The following RP1 variants were observed in gnomAD, a reference collection of about 807,000 sequenced individuals.
RP1 encodes the protein RP1 axonemal microtubule associated.
A neutral mutation model predicts 14.8 loss-of-function variants in RP1; 16 were observed. The observed-to-expected ratio is 1.08, with a 90% CI of 0.73 to 1.65. The LOEUF is 1.65. RP1 is among the 40% of genes most tolerant of loss of function. RP1 has a pLI of 0.00. For missense variants in RP1, 2,631 were observed against 2,535.0 expected (o/e 1.04, Z -0.81); for synonymous variants, 876 against 883.6 (o/e 0.99, Z 0.15).
chr8:54,767,619 C>G (rs1271161719), intron 22 of RP1, among the ~76,000 whole-genome samples: 3 of 152,118 alleles, frequency 2.0e-5, no homozygotes, highest in Non-Finnish European at 4.4e-5. Flanking sequence ...CTTGGCCTCC[C>G]AAAGTGCTGG....
intron 19 of RP1, among the ~76,000 whole-genome samples, chr8:54,752,684 C>A (rs991300722): frequency 6.6e-6 from 1 of 152,156 alleles, no homozygotes; most frequent in Non-Finnish European, 1.5e-5. Context: ...CACGCTCATA[C>A]CCACACACTT....
chr8:54,720,280 T>A (rs1585634379), exon 16 of RP1: 1 of 1,535,340 alleles, frequency 6.5e-7, no homozygotes, highest in African/African-American at 1.4e-5. Context: ...GATGAGAATG[T>A]TTGCTTCTAT....
At position 54,742,469 on chromosome 8, in the gene RP1, T is replaced by C. The variant is rs547584391; in HGVS notation, c.2808+3440T>C. On this transcript the variant is annotated intron_variant, in intron 19 of 22. Transcript: ENST00000636932. ...TATTTCTTAGGACATGCCTATATAATGAAATGTTTTCTAATAGTTCAGGAA... is the reference window on the plus strand; with the variant it reads ...TATTTCTTAGGACATGCCTATATAACGAAATGTTTTCTAATAGTTCAGGAA... Among the ~76,000 whole-genome samples the C allele has an allele frequency of 1.4e-4, 21 of 152,334 alleles. No individual in the cohort carries two copies. In the South Asian group the frequency reaches 1.7e-3, roughly 12 times the overall value.
At chr8:54,752,168 G>A (rs914048273) in intron 19 of RP1, among the ~76,000 whole-genome samples, 3 of 152,170 alleles carry the variant, frequency 2.0e-5, no homozygotes, top group Non-Finnish European at 4.4e-5. Flanking sequence ...ATAAACAAGA[G>A]TTAAATTTCT....
intron 28 of RP1, chr8:54,865,984 C>T: frequency 4.7e-6 from 3 of 637,008 alleles, no homozygotes; most frequent in Non-Finnish European, 6.7e-6. Flanking sequence ...CCTGTGTCCT[C>T]CAGCATGCCT....
chr8:54,836,742 G>C (rs1320634261), intron 24 of RP1, among the ~76,000 whole-genome samples: 2 of 152,122 alleles, frequency 1.3e-5, no homozygotes, highest in African/African-American at 2.4e-5. Flanking sequence ...GCCACATGGT[G>C]CCTGTACTTC....
upstream of RP1, among the ~76,000 whole-genome samples, chr8:54,611,861 TTCCCTCCC>T (rs545025613): frequency 4.0e-5 from 6 of 150,748 alleles, no homozygotes; most frequent in South Asian, 2.1e-4. Flanking sequence ...GTTGTTTTCT[TTCCCTCCC>T]TCCCTCCCTC....
intron 24 of RP1, among the ~76,000 whole-genome samples, chr8:54,824,205 A>G (rs1320122019): frequency 6.6e-6 from 1 of 152,116 alleles, no homozygotes; most frequent in African/African-American, 2.4e-5. Context: ...TAAATTACTA[A>G]TATTAGAAAT....
At chr8:54,817,027 C>G (rs1428905326) in intron 24 of RP1, among the ~76,000 whole-genome samples, 1 of 151,984 alleles carries the variant, frequency 6.6e-6, no homozygotes, top group African/African-American at 2.4e-5. Flanking sequence ...TCTTGGAGAG[C>G]CTTTCGCTGG....
intron 19 of RP1, chr8:54,754,686 A>G: frequency 9.6e-7 from 1 of 1,037,676 alleles, no homozygotes; most frequent in South Asian, 2.8e-5. Context: ...CATCACCGCT[A>G]TCACCATCAT....
At chr8:54,851,347 T>C (rs1304186780) in intron 25 of RP1, among the ~76,000 whole-genome samples, 1 of 152,234 alleles carries the variant, frequency 6.6e-6, no homozygotes, top group Non-Finnish European at 1.5e-5. Flanking sequence ...ATATCTGTTT[T>C]AATATTTTAA....
chr8:54,645,365 T>C (rs570365197), intron 3 of RP1, among the ~76,000 whole-genome samples: 3 of 152,292 alleles, frequency 2.0e-5, no homozygotes, highest in South Asian at 4.1e-4. Context: ...TTCTAGTTGT[T>C]CTATGTCCTT....
At chr8:54,789,689 G>A (rs1810413510) in intron 24 of RP1, among the ~76,000 whole-genome samples, 2 of 152,160 alleles carry the variant, frequency 1.3e-5, no homozygotes, top group South Asian at 2.1e-4. Context: ...ATGGAACAGG[G>A]AGTCCAGACA....
At chr8:54,641,227 G>A (rs191359085) in intron 3 of RP1, among the ~76,000 whole-genome samples, 8 of 152,216 alleles carry the variant, frequency 5.3e-5, no homozygotes. Flanking sequence ...TTACAGGCGT[G>A]AGCCACTGCG....
At position 54,643,200 on chromosome 8, in the gene RP1, A is replaced by C. The variant is rs1204305104; in HGVS notation, c.788-5785A>C. On this transcript the variant is annotated intron_variant, in intron 3 of 22. Coordinates refer to the RP1 transcript ENST00000636932. ...AGTTTTGTTTATTAATGTTGAAAAA[A>C]ATCAACTTATTGAGGTATAATTTAC... Among the ~76,000 whole-genome samples the C allele has an allele frequency of 4.6e-5, 7 of 152,320 alleles. No individual in the cohort carries two copies. The East Asian group carries it at 7.7e-4, about 17-fold the overall frequency.
rs1170120007 is a variant in RP1, at chr8:54,621,182, G to A, written c.216G>A (p.Arg72=). 2 of 1,614,014 alleles carry A rather than the reference G, an allele frequency of 1.2e-6. No homozygotes were observed. Among genetic ancestry groups the A allele is most frequent in the Non-Finnish European group, 1.7e-6 (2 of 1,180,018 alleles). Residue 72 remains arginine, a synonymous_variant, in exon 2 of 4, where the codon AGG becomes AGA. Transcript: ENST00000220676. ...SFDALLDNLS[R]KVPLPFGVRN... Reference sequence around the variant, plus strand: ...ATGCTCTGCTGGATAACTTGTCCAGGAAGGTGCCCCTCCCTTTTGGAGTGA... The same window carrying A: ...ATGCTCTGCTGGATAACTTGTCCAGAAAGGTGCCCCTCCCTTTTGGAGTGA...
At chr8:54,800,104 A>G (rs1346975755) in intron 24 of RP1, among the ~76,000 whole-genome samples, 2 of 151,964 alleles carry the variant, frequency 1.3e-5, no homozygotes, top group African/African-American at 4.8e-5. Context: ...TGATGTTTTT[A>G]CTGGATATGG....
At chr8:54,606,751 C>A (rs1486551803) in intron 1 of RP1, among the ~76,000 whole-genome samples, 2 of 152,034 alleles carry the variant, frequency 1.3e-5, no homozygotes, top group Non-Finnish European at 2.9e-5. Flanking sequence ...TCTTTTTATT[C>A]TTTTTTTCTC....
chr8:54,632,475 A>T (rs1486030083), downstream of RP1, among the ~76,000 whole-genome samples: 5 of 152,206 alleles, frequency 3.3e-5, no homozygotes, highest in Admixed American at 2.0e-4. Context: ...GAATTCTGAG[A>T]TCTTGGGCCA....
Sources: gnomAD v4.1 joint callset for allele counts (sites outside exome capture counted in the v4.1 genomes callset) on GRCh38, gnomAD v4.1.1 for gene constraint, MANE v1.5 for transcripts, NCBI Gene and HGNC (gene_info 2026-07-23, HGNC 2026-07-21) for gene names.